Variants in GRIA2 observed in about 807,000 individuals in gnomAD.
The protein encoded by GRIA2 is glutamate receptor 2.
GRIA2 carries 14 observed loss-of-function variants against 97.3 expected under a neutral mutation model. The ratio of observed to expected loss-of-function variants is 0.14; its 90% CI spans 0.10 to 0.23. The LOEUF (loss-of-function observed/expected upper bound fraction) is 0.23. GRIA2 is among the 10% of genes least tolerant of loss of function. The pLI is 1.00. For missense variants in GRIA2, 558 were observed against 1,069.8 expected, an observed-to-expected ratio of 0.52 and a Z score of 6.67; for synonymous variants, 412 against 387.8, an observed-to-expected ratio of 1.06 and a Z score of -0.73.
intron 12 of GRIA2, among the ~76,000 whole-genome samples, chr4:157,345,738 G>A (rs1735737217): frequency 6.6e-6 from 1 of 152,040 alleles, no homozygotes; most frequent in East Asian, 1.9e-4. Flanking sequence ...CTCCCACACT[G>A]CAATCTGTTC....
chr4:157,343,650 A>G (rs1274652895), intron 12 of GRIA2, among the ~76,000 whole-genome samples: 3 of 152,070 alleles, frequency 2.0e-5, no homozygotes, highest in African/African-American at 7.2e-5. Flanking sequence ...GCGTCTCCTT[A>G]TCTAGAGAAA....
At chr4:157,359,321 T>G in intron 12 of GRIA2, among the ~76,000 whole-genome samples, 1 of 152,220 alleles carries the variant, frequency 6.6e-6, no homozygotes, top group East Asian at 1.9e-4. Flanking sequence ...AAGTCCTGTT[T>G]AATTAAAAGA....
chr4:157,253,408 T>C (rs1447663378), intron 2 of GRIA2, among the ~76,000 whole-genome samples: 2 of 152,098 alleles, frequency 1.3e-5, no homozygotes, highest in Admixed American at 6.6e-5. Context: ...TGAACCGCTA[T>C]GCCTGGCCCC....
At chr4:157,316,489 G>A (rs996547803) in intron 4 of GRIA2, among the ~76,000 whole-genome samples, 2 of 152,076 alleles carry the variant, frequency 1.3e-5, no homozygotes, top group African/African-American at 2.4e-5. Context: ...GAGAAAGTCA[G>A]GGTAGTTTTC....
At chr4:157,268,420 A>G (rs1731866675) in intron 2 of GRIA2, among the ~76,000 whole-genome samples, 1 of 152,040 alleles carries the variant, frequency 6.6e-6, no homozygotes, top group South Asian at 2.1e-4. Context: ...AAATTATTTA[A>G]TTTTGTCGTC....
In GRIA2 at chr4:157,363,988, T is replaced by G. The variant is rs568447369; in HGVS notation, c.*557T>G. 1 of 154,526 alleles carries G rather than the reference T, an allele frequency of 6.5e-6. No homozygotes were observed. The highest frequency in any genetic ancestry group is 2.4e-5 in the African/African-American group (1 of 41,674). The allele number at this position is 154,526 out of a possible 1,614,324, so 9.6% of individuals were successfully genotyped here. ...AAAAACATTTAAAACTAAAAAATAT[T>G]TTTAGGTATTTTCACAAACAAACTG... On this transcript the variant is annotated 3_prime_UTR_variant, in exon 16 of 16. Transcript: ENST00000264426.
intron 2 of GRIA2, among the ~76,000 whole-genome samples, chr4:157,239,563 C>G (rs1209374568): frequency 6.6e-6 from 1 of 151,810 alleles, no homozygotes; most frequent in African/African-American, 2.4e-5. Context: ...ATACTTGAAA[C>G]TATATTTCTT....
At chr4:157,232,238 C>G (rs1730052636) in intron 2 of GRIA2, among the ~76,000 whole-genome samples, 1 of 152,128 alleles carries the variant, frequency 6.6e-6, no homozygotes. Flanking sequence ...CCAGGTAGCA[C>G]AGAAATAGCT....
At chr4:157,256,449 A>C (rs1731279371) in intron 2 of GRIA2, among the ~76,000 whole-genome samples, 1 of 150,852 alleles carries the variant, frequency 6.6e-6, no homozygotes, top group Admixed American at 6.7e-5. Context: ...CACACACATA[A>C]CTTGAATAAG....
intron 6 of GRIA2, among the ~76,000 whole-genome samples, chr4:157,328,369 G>C (rs139483510): frequency 4.6e-5 from 7 of 152,026 alleles, no homozygotes; most frequent in African/African-American, 1.7e-4. Context: ...GACATCTCAA[G>C]TGGTGCCTCT....
intron 12 of GRIA2, among the ~76,000 whole-genome samples, chr4:157,350,246 C>T (rs1402487421): frequency 1.3e-5 from 2 of 152,076 alleles, no homozygotes; most frequent in African/African-American, 4.8e-5. Flanking sequence ...CTTTTCTCAT[C>T]ACTAGCCTAA....
At chr4:157,224,474 T>C (rs1729653984) in intron 2 of GRIA2, among the ~76,000 whole-genome samples, 1 of 152,182 alleles carries the variant, frequency 6.6e-6, no homozygotes, top group Non-Finnish European at 1.5e-5. Context: ...GTTTTTTTAT[T>C]CTCTGAGACA....
At position 157,336,360 on chromosome 4, in the gene GRIA2, CT is replaced by C. The variant is rs747824944; in HGVS notation, c.1474-10del. 12 of 1,520,086 alleles carry C rather than the reference CT, an allele frequency of 7.9e-6. No individual in the cohort carries two copies. The highest frequency in any genetic ancestry group is 4.2e-5 in the African/African-American group (3 of 71,678). The allele number at this position is 1,520,086 out of a possible 1,614,324, so 94.2% of individuals were successfully genotyped here. A position where few individuals can be genotyped will look rare whatever the true frequency, so the allele number is the denominator to read the frequency against. On this transcript the variant is annotated splice_polypyrimidine_tract_variant and intron_variant, in intron 10 of 15. Transcript: ENST00000264426. ...CATGACTCCAGGTACTATTACTTTCCTTTTTTTCCCTTACAGAAAGCTGATA... is the reference window on the plus strand; with the variant it reads ...CATGACTCCAGGTACTATTACTTTCCTTTTTTCCCTTACAGAAAGCTGATA...
At chr4:157,237,996 CA>C (rs1249141361) in intron 2 of GRIA2, among the ~76,000 whole-genome samples, 1 of 151,906 alleles carries the variant, frequency 6.6e-6, no homozygotes, top group African/African-American at 2.4e-5. Flanking sequence ...TATGTGTTCA[CA>C]AATAGAATGT....
intron 2 of GRIA2, among the ~76,000 whole-genome samples, chr4:157,282,223 A>G (rs1579329593): frequency 6.6e-6 from 1 of 152,130 alleles, no homozygotes; most frequent in Non-Finnish European, 1.5e-5. Context: ...CATGGTTAGA[A>G]CAGCCAATCA....
At chr4:157,330,349 C>T (rs760733496) in intron 6 of GRIA2, among the ~76,000 whole-genome samples, 16 of 151,830 alleles carry the variant, frequency 1.1e-4, no homozygotes, top group Non-Finnish European at 2.2e-4. Context: ...TGGGAAATAT[C>T]GTCACACTTT....
chr4:157,251,726 A>G (rs542084846), intron 2 of GRIA2, among the ~76,000 whole-genome samples: 18 of 152,270 alleles, frequency 1.2e-4, no homozygotes, highest in Non-Finnish European at 1.9e-4. Context: ...GACTACTACA[A>G]TAAAATGTCT....
intron 3 of GRIA2, among the ~76,000 whole-genome samples, chr4:157,308,486 G>A (rs947743020): frequency 1.2e-4 from 15 of 128,826 alleles, no homozygotes; most frequent in African/African-American, 3.2e-5. Context: ...TATTTACCAG[G>A]AGGAATAATC....
At chr4:157,277,872 GTA>G (rs796560922) in intron 2 of GRIA2, among the ~76,000 whole-genome samples, 170 of 143,160 alleles carry the variant, frequency 1.2e-3, no homozygotes, top group Admixed American at 2.3e-3. Flanking sequence ...ATGTATATAT[GTA>G]TATATATGTA....
Sources: gnomAD v4.1 joint callset for allele counts (sites outside exome capture counted in the v4.1 genomes callset) on GRCh38, gnomAD v4.1.1 for gene constraint, MANE v1.5 for transcripts, NCBI Gene and HGNC (gene_info 2026-07-23, HGNC 2026-07-21) for gene names.